The following ROBO1 variants were observed in gnomAD, a reference collection of about 807,000 sequenced individuals.
ROBO1 encodes the protein roundabout guidance receptor 1.
ROBO1 carries 149 observed loss-of-function variants against 195.9 expected under a neutral mutation model. The observed-to-expected ratio is 0.76, with a 90% CI of 0.67 to 0.87. The LOEUF (loss-of-function observed/expected upper bound fraction) is 0.87, where lower values mean the gene tolerates loss of function less well. Ranked by LOEUF, ROBO1 falls within the 40% of genes least tolerant of loss-of-function variation. The pLI is 0.00. For missense variants in ROBO1, 1,933 were observed against 2,068.3 expected (o/e 0.93, Z 1.27); for synonymous variants, 816 against 733.2 (o/e 1.11, Z -1.82).
intron 3 of ROBO1, among the ~76,000 whole-genome samples, chr3:79,035,508 C>A (rs1384225414): frequency 2.0e-5 from 3 of 152,034 alleles, no homozygotes; most frequent in Non-Finnish European, 4.4e-5. Flanking sequence ...TCACTCGAGG[C>A]CAGGAATTCA....
intron 1 of ROBO1, among the ~76,000 whole-genome samples, chr3:79,668,260 T>C (rs1946528235): frequency 6.6e-6 from 1 of 151,722 alleles, no homozygotes; most frequent in African/African-American, 2.4e-5. Flanking sequence ...AACATTGGGT[T>C]TTACTGTTTG....
At chr3:79,104,015 C>T (rs929518774) in intron 3 of ROBO1, among the ~76,000 whole-genome samples, 1 of 151,692 alleles carries the variant, frequency 6.6e-6, no homozygotes, top group Non-Finnish European at 1.5e-5. Flanking sequence ...AATGGACTGG[C>T]TCTCTACTCT....
At chr3:79,543,295 C>T (rs1191714559) in intron 2 of ROBO1, among the ~76,000 whole-genome samples, 1 of 151,980 alleles carries the variant, frequency 6.6e-6, no homozygotes, top group Non-Finnish European at 1.5e-5. Context: ...TCAAAGCTCT[C>T]GGTTTGGTCT....
chr3:79,168,311 T>C (rs1014581070), intron 2 of ROBO1, among the ~76,000 whole-genome samples: 1 of 152,270 alleles, frequency 6.6e-6, no homozygotes, highest in Middle Eastern at 3.4e-3. Context: ...TTTAAATAAA[T>C]ACTGTTTCTT....
chr3:79,529,024 T>C (rs1176073633), intron 2 of ROBO1, among the ~76,000 whole-genome samples: 2 of 152,184 alleles, frequency 1.3e-5, no homozygotes, highest in Non-Finnish European at 2.9e-5. Context: ...ATGACAGTAA[T>C]CTCAATTTTG....
intron 2 of ROBO1, among the ~76,000 whole-genome samples, chr3:79,541,921 A>ATT (rs1395884886): frequency 6.6e-6 from 1 of 151,296 alleles, no homozygotes; most frequent in Non-Finnish European, 1.5e-5. Context: ...ATGTAAGATC[A>ATT]TTATATATAT....
intron 2 of ROBO1, among the ~76,000 whole-genome samples, chr3:79,432,218 G>A (rs964008565): frequency 6.6e-6 from 1 of 152,040 alleles, no homozygotes; most frequent in Non-Finnish European, 1.5e-5. Flanking sequence ...ATCTCTTAGA[G>A]TGTCAAGACA....
At chr3:78,613,842 A>G (rs988207678) in intron 28 of ROBO1, among the ~76,000 whole-genome samples, 4 of 152,178 alleles carry the variant, frequency 2.6e-5, no homozygotes, top group African/African-American at 7.2e-5. Flanking sequence ...TGAAAGTCCT[A>G]ATCAGATTTT....
chr3:79,366,230 T>C (rs1577027121), intron 2 of ROBO1, among the ~76,000 whole-genome samples: 1 of 152,068 alleles, frequency 6.6e-6, no homozygotes, highest in South Asian at 2.1e-4. Flanking sequence ...ATGAGGAAAA[T>C]TTTGGCATGA....
chr3:79,659,527 C>A (rs948210507), intron 1 of ROBO1, among the ~76,000 whole-genome samples: 2 of 151,690 alleles, frequency 1.3e-5, no homozygotes, highest in Non-Finnish European at 2.9e-5. Flanking sequence ...CTCATTAGGC[C>A]TATTTTGACA....
chr3:79,442,651 C>T (rs2039096964), intron 2 of ROBO1, among the ~76,000 whole-genome samples: 2 of 151,988 alleles, frequency 1.3e-5, no homozygotes, highest in Non-Finnish European at 2.9e-5. Flanking sequence ...CTCAGTTGGC[C>T]ACCAACCACA....
intron 4 of ROBO1, among the ~76,000 whole-genome samples, chr3:78,817,111 A>G (rs1251281036): frequency 6.6e-6 from 1 of 152,246 alleles, no homozygotes; most frequent in Non-Finnish European, 1.5e-5. Flanking sequence ...AAACAGTGGC[A>G]CATGCTACAG....
At chr3:79,337,177 C>A (rs112277350) in intron 2 of ROBO1, among the ~76,000 whole-genome samples, 6,457 of 152,092 alleles carry the variant, frequency 0.042, 282 homozygotes, top group African/African-American at 0.11. Flanking sequence ...TGAGTTAATG[C>A]TGAAATAAGA....
At chr3:78,953,525 C>A (rs2040894870) in intron 3 of ROBO1, among the ~76,000 whole-genome samples, 1 of 151,928 alleles carries the variant, frequency 6.6e-6, no homozygotes, top group African/African-American at 2.4e-5. Flanking sequence ...CTGATCTTAA[C>A]AGCCTGAAGT....
At chr3:78,821,950 T>C (rs770542381) in intron 4 of ROBO1, among the ~76,000 whole-genome samples, 13 of 151,956 alleles carry the variant, frequency 8.6e-5, no homozygotes, top group African/African-American at 1.7e-4. Flanking sequence ...CATGAGCAGA[T>C]AGATTATCAT....
chr3:79,697,170 G>C (rs931759736), intron 1 of ROBO1, among the ~76,000 whole-genome samples: 2 of 151,344 alleles, frequency 1.3e-5, no homozygotes, highest in Non-Finnish European at 3.0e-5. Context: ...ATGGAACAGG[G>C]TAATTTCCAC....
intron 2 of ROBO1, among the ~76,000 whole-genome samples, chr3:79,500,360 C>T (rs1940003792): frequency 6.6e-6 from 1 of 152,114 alleles, no homozygotes; most frequent in Non-Finnish European, 1.5e-5. Context: ...GAACTCCTGA[C>T]CTCAGGTGAT....
At chr3:79,129,003 T>C (rs1437817466) in intron 2 of ROBO1, among the ~76,000 whole-genome samples, 2 of 152,114 alleles carry the variant, frequency 1.3e-5, no homozygotes, top group African/African-American at 2.4e-5. Flanking sequence ...TTCATCTGAG[T>C]CCAAGGCTTC....
At chr3:78,891,097 T>A (rs1026547530) in intron 4 of ROBO1, among the ~76,000 whole-genome samples, 7 of 152,202 alleles carry the variant, frequency 4.6e-5, no homozygotes, top group African/African-American at 1.7e-4. Flanking sequence ...AGGGACAGGT[T>A]GACACAACTA....
Sources: gnomAD v4.1 joint callset for allele counts (sites outside exome capture counted in the v4.1 genomes callset) on GRCh38, gnomAD v4.1.1 for gene constraint, MANE v1.5 for transcripts, NCBI Gene and HGNC (gene_info 2026-07-23, HGNC 2026-07-21) for gene names.